Variants in PREPL observed in about 807,000 individuals in gnomAD.
The protein encoded by PREPL is prolyl endopeptidase like.
PREPL carries 77 observed loss-of-function variants against 70.6 expected under a neutral mutation model. The ratio of observed to expected loss-of-function variants is 1.09; its 90% CI spans 0.91 to 1.32. The LOEUF (loss-of-function observed/expected upper bound fraction) is 1.32, where lower values mean the gene tolerates loss of function less well. Ranked by LOEUF, PREPL falls within the 40% of genes most tolerant of loss-of-function variation. The probability of loss-of-function intolerance (pLI) is 0.00; values close to 1 mark genes in which losing one functional copy is unlikely to be tolerated. For missense variants in PREPL, 1,002 were observed against 778.2 expected, an observed-to-expected ratio of 1.29 and a Z score of -3.42; for synonymous variants, 315 against 264.8, an observed-to-expected ratio of 1.19 and a Z score of -1.84.
chr2:44,322,874 C>T lies in PREPL; in HGVS notation c.1630-20G>A, dbSNP rs773641547. 9.3e-6 allele frequency: 15 copies of T among 1,610,488 alleles called. No individual in the cohort carries two copies. The highest frequency in any genetic ancestry group is 5.4e-5 in the African/African-American group (4 of 74,706). The stretch of plus-strand genomic sequence containing the variant: ...ATAATGCTGAAAGAAAATACATGCA[C>T]GAAGAGTTTACATTATTTCTTATGG... On this transcript the variant is annotated intron_variant, in intron 11 of 13. Transcript: ENST00000409411.
At chr2:44,356,884 A>T (rs1677105773) in intron 1 of PREPL, among the ~76,000 whole-genome samples, 1 of 140,898 alleles carries the variant, frequency 7.1e-6, no homozygotes, top group Non-Finnish European at 1.6e-5. Context: ...ACCTCACTGC[A>T]GCCTCGACCT....
Position 44,329,226 on chromosome 2 carries a change from G to A in PREPL, c.1087-114C>T. 3 of 795,404 alleles carry A rather than the reference G, an allele frequency of 3.8e-6. 1 individual carries two copies. Among genetic ancestry groups the A allele is most frequent in the South Asian group, 4.6e-5 (2 of 43,762 alleles). 49.3% of individuals were successfully genotyped at this position (795,404 alleles called of 1,614,324 possible). A position where few individuals can be genotyped will look rare whatever the true frequency, so the allele number is the denominator to read the frequency against. On this transcript the variant is annotated intron_variant, in intron 8 of 13. Transcript: ENST00000409411. ...CCCCACTTGTGTGCTACCTACTGATGTTGAGCACAAATTTGTTTAAGAAAA... is the reference window on the plus strand; with the variant it reads ...CCCCACTTGTGTGCTACCTACTGATATTGAGCACAAATTTGTTTAAGAAAA...
chr2:44,351,026 G>A (rs1271133461), intron 1 of PREPL, among the ~76,000 whole-genome samples: 1 of 150,332 alleles, frequency 6.7e-6, no homozygotes, highest in Non-Finnish European at 1.5e-5. Flanking sequence ...GGGTTCAAGC[G>A]ATTCTCCTGC....
Position 44,323,414 on chromosome 2 carries a change from A to G in PREPL, c.1480-3T>C. 1 of 1,556,596 alleles carries G rather than the reference A, an allele frequency of 6.4e-7. No individual in the cohort carries two copies. The highest frequency in any genetic ancestry group is 8.7e-7 in the Non-Finnish European group (1 of 1,152,006). ...TTGAGAACATCCAAGAAAGGTGCCT[A>G]AAAAAAAGGCAAAGAAACTTATACT... On this transcript the variant is annotated splice_region_variant and splice_polypyrimidine_tract_variant and intron_variant, in intron 10 of 13. Transcript: ENST00000409411.
chr2:44,332,608 T>A lies in PREPL; in HGVS notation c.937A>T (p.Lys313Ter). Residue 313 changes from lysine to a stop codon, truncating the protein, a stop_gained, in exon 8 of 14, where the codon AAG (lysine) becomes TAG (stop). Transcript: ENST00000409411. LOFTEE classifies it high-confidence loss of function. ...GAGCAAAGTTGAAAGGGGCAGTTCTTTGGGTCAGAATTTGTATCCATTATG... is the reference window on the plus strand; with the variant it reads ...GAGCAAAGTTGAAAGGGGCAGTTCTATGGGTCAGAATTTGTATCCATTATG... ...GFIMDTNSDPKNCPFQLCSPI... is the reference protein window; with the variant it reads ...GFIMDTNSDP 1 of 1,614,020 alleles carries A rather than the reference T, an allele frequency of 6.2e-7. No individual in the cohort carries two copies. Among genetic ancestry groups the A allele is most frequent in the East Asian group, 2.2e-5 (1 of 44,862 alleles).
chr2:44,359,463 G>A (rs371303798), intron 1 of PREPL: 49 of 1,399,344 alleles, frequency 3.5e-5, no homozygotes, highest in Non-Finnish European at 4.6e-5. Context: ...TAATCTTAAT[G>A]ACCTACAAAT....
At chr2:44,354,967 T>A (rs957472787) in intron 1 of PREPL, among the ~76,000 whole-genome samples, 5 of 152,172 alleles carry the variant, frequency 3.3e-5, no homozygotes, top group Middle Eastern at 3.2e-3. Context: ...CCAGGTACGT[T>A]TTAGAATTTT....
At chr2:44,336,186 A>C (rs1572875212) in intron 7 of PREPL, among the ~76,000 whole-genome samples, 1 of 152,224 alleles carries the variant, frequency 6.6e-6, no homozygotes, top group Non-Finnish European at 1.5e-5. Context: ...TTGACTCAGC[A>C]ATCCCATTAT....
rs1301517112 is a variant in PREPL at position 44,320,816 on chromosome 2, A to T, written c.*540T>A. 1.6e-6 allele frequency: 1 copy of T among 641,610 alleles called. No individual in the cohort carries two copies. The highest frequency in any genetic ancestry group is 2.7e-6 in the Non-Finnish European group (1 of 367,124). 39.7% of individuals were successfully genotyped at this position (641,610 alleles called of 1,614,324 possible). ...ATGTTTTGAAAAAAATAAAATGTTT[A>T]AAAGTAAATTATGGCTTATAGGAGC... is the stretch of plus-strand genomic sequence containing the variant. On this transcript the variant is annotated 3_prime_UTR_variant, in exon 14 of 14. Coordinates refer to ENST00000409411, the MANE Select transcript of PREPL (RefSeq NM_001171613.2).
rs1558479200 is a variant in PREPL, at chr2:44,320,471, CA to C, written c.*884del. 6.2e-7 allele frequency: 1 copy of C among 1,614,120 alleles called. No homozygotes were observed. Among genetic ancestry groups the C allele is most frequent in the Non-Finnish European group, 8.5e-7 (1 of 1,179,974 alleles). ...TAAGTACCAATTCTGCCGACAAAGG[CA>C]GTAAAGTTGATACAAGTGGCATTTT... is the stretch of plus-strand genomic sequence containing the variant. On this transcript the variant is annotated 3_prime_UTR_variant, in exon 14 of 14. Coordinates refer to ENST00000409411, the MANE Select transcript of PREPL (RefSeq NM_001171613.2).
rs781563157 is a variant in PREPL, at chr2:44,343,916, C to A, written c.178G>T (p.Glu60Ter). Reference sequence around the variant, plus strand: ...AAGGGCTGGTCTAACTTAAGTTCCTCCAAATTGAATAAAACTTCATAATTA... The same window carrying A: ...AAGGGCTGGTCTAACTTAAGTTCCTACAAATTGAATAAAACTTCATAATTA... ...NDNYEVLFNL[E>*]ELKLDQPFID... Residue 60 changes from glutamate (E) to a stop codon, truncating the protein, a stop_gained, in exon 4 of 14, where the codon GAG becomes TAG. Transcript: ENST00000409411. LOFTEE classifies it high-confidence loss of function. The A allele has an allele frequency of 2.5e-6, 4 of 1,613,794 alleles. No individual in the cohort carries two copies.
At chr2:44,322,639 T>G in intron 12 of PREPL, 92 bp downstream of exon 12, 1 of 1,466,246 alleles carries the variant, frequency 6.8e-7, no homozygotes. Flanking sequence ...GGGCAGATGA[T>G]TTGGCTACAG....
Position 44,322,986 on chromosome 2 carries a change from G to C in PREPL, c.1630-132C>G. 4.0e-6 allele frequency: 5 copies of C among 1,262,336 alleles called. No individual in the cohort carries two copies. The Middle Eastern group carries it at 8.4e-4, about 211-fold the overall frequency. 78.2% of individuals were successfully genotyped at this position (1,262,336 alleles called of 1,614,324 possible). A position where few individuals can be genotyped will look rare whatever the true frequency, so the allele number is the denominator to read the frequency against. The stretch of plus-strand genomic sequence containing the variant: ...TATGCTTTTTCTCACTTGCTATCTT[G>C]AGAGCGCCTCAGTATTACAGTAGTA... On this transcript the variant is annotated intron_variant, in intron 11 of 13. Coordinates refer to ENST00000409411, the MANE Select transcript of PREPL (RefSeq NM_001171613.2).
At chr2:44,324,824 C>A (rs1673330894) in intron 10 of PREPL, among the ~76,000 whole-genome samples, 1 of 152,116 alleles carries the variant, frequency 6.6e-6, no homozygotes, top group South Asian at 2.1e-4. Context: ...GAGGTCGAGG[C>A]TGTAGTGAGC....
chr2:44,338,479 T>C lies in PREPL; in HGVS notation c.760A>G (p.Met254Val), dbSNP rs771442588. 2.0e-5 allele frequency: 32 copies of C among 1,612,460 alleles called. No homozygotes were observed. The highest frequency in any genetic ancestry group is 8.8e-5 in the South Asian group (8 of 90,700). Reference protein sequence around the residue: ...AIMNWDLFFTMKRNTKVIDLD... With the variant: ...AIMNWDLFFTVKRNTKVIDLD... The stretch of plus-strand genomic sequence containing the variant: ...TCTATCACTTTTGTATTTCTCTTCA[T>C]TGTAAAAAATAAATCCCAATTCATA... The change falls in exon 7 of 14, where the codon ATG becomes GTG. Residue 254 changes from methionine to valine, a missense_variant. Physicochemically the swap from Met to Val is conservative, Grantham distance 21. Transcript: ENST00000409411.
chr2:44,346,633 G>A (rs1378620419), intron 1 of PREPL, among the ~76,000 whole-genome samples: 1 of 152,068 alleles, frequency 6.6e-6, no homozygotes, highest in Non-Finnish European at 1.5e-5. Context: ...TATTTTAGAT[G>A]AATAAGTCCT....
chr2:44,353,366 C>T (rs1270441104), intron 1 of PREPL, among the ~76,000 whole-genome samples: 1 of 151,892 alleles, frequency 6.6e-6, no homozygotes, highest in African/African-American at 2.4e-5. Flanking sequence ...GGCAGATCAC[C>T]CTGAGGTCAG....
Position 44,320,688 on chromosome 2 carries a change from G to A in PREPL, c.*668C>T, listed in dbSNP as rs748115627. On this transcript the variant is annotated 3_prime_UTR_variant, in exon 14 of 14. Coordinates refer to ENST00000409411, the MANE Select transcript of PREPL (RefSeq NM_001171613.2). ...CACTGGCATTTCAGTGGGATTGTAA[G>A]CATTTGTAATAGCTTCATGTACAGC... 2.8e-6 allele frequency: 4 copies of A among 1,424,468 alleles called. No homozygotes were observed. The highest frequency in any genetic ancestry group is 1.2e-5 in the South Asian group (1 of 86,868). 88.2% of individuals were successfully genotyped at this position (1,424,468 alleles called of 1,614,324 possible).
intron 1 of PREPL, chr2:44,347,452 A>G (rs1335399527): frequency 6.6e-6 from 1 of 152,226 alleles, no homozygotes; most frequent in East Asian, 1.9e-4. Context: ...ATAGAAAATA[A>G]TGAACATGAG....
Sources: gnomAD v4.1 joint callset for allele counts (sites outside exome capture counted in the v4.1 genomes callset) on GRCh38, gnomAD v4.1.1 for gene constraint, MANE v1.5 for transcripts, NCBI Gene and HGNC (gene_info 2026-07-23, HGNC 2026-07-21) for gene names.